Variants in IRAG2 observed in about 807,000 individuals in gnomAD.
IRAG2 encodes inositol 1,4,5-triphosphate receptor associated 2, also known as lymphoid restricted membrane protein.
In IRAG2, 45 loss-of-function variants were observed where a neutral mutation model predicts 69.9. The observed-to-expected ratio is 0.64, with a 90% confidence interval of 0.51 to 0.83. IRAG2 has a LOEUF of 0.83. IRAG2 is among the 40% of genes least tolerant of loss of function. IRAG2 has a pLI of 0.00. For missense variants in IRAG2, 520 were observed against 587.0 expected (o/e 0.89, Z 1.18); for synonymous variants, 193 against 202.4 (o/e 0.95, Z 0.40).
In IRAG2 at chr12:25,083,480, C is replaced by A. The variant is rs1036993606; in HGVS notation, c.302C>A (p.Thr101Asn). Residue 101 changes from threonine to asparagine, a missense_variant, in exon 10 of 22, where the codon ACC (threonine) becomes AAC (asparagine). By Grantham distance (65) the Thr-to-Asn change is moderately conservative. Coordinates refer to ENST00000556887, the MANE Select transcript of IRAG2 (RefSeq NM_001366544.2). Reference protein sequence around the residue: ...AFQDSTSKDKTILNLEAKEEP... With the variant: ...AFQDSTSKDKNILNLEAKEEP... ...CAAGACTCTACGAGTAAGGATAAAA[C>A]CATATTAAATCTGGTAAGGAAATAC... 3 of 1,604,004 alleles carry A rather than the reference C, an allele frequency of 1.9e-6. No homozygotes were observed. Among genetic ancestry groups the A allele is most frequent in the Non-Finnish European group, 2.6e-6 (3 of 1,171,048 alleles).
chr12:25,011,855 A>G (rs67372216), intron 3 of IRAG2, among the ~76,000 whole-genome samples: 19,185 of 152,180 alleles, frequency 0.13, 1,456 homozygotes, highest in African/African-American at 0.21. Flanking sequence ...TGGGGAGCAC[A>G]TGTGATACTC....
At chr12:25,004,844 C>A in exon 1 of IRAG2, 8 of 1,232,008 alleles carry the variant, frequency 6.5e-6, no homozygotes, top group Non-Finnish European at 8.1e-6. Flanking sequence ...TTTGATTCCA[C>A]CTTTGTTCAA....
At chr12:25,031,138 A>G (rs1020457941) in intron 10 of IRAG2, 49 of 908,872 alleles carry the variant, frequency 5.4e-5, no homozygotes, top group Middle Eastern at 5.5e-4. Context: ...CCTCTTTTCC[A>G]TGCACATTTT....
intron 19 of IRAG2, 88 bp downstream of exon 19, chr12:25,104,146 G>A: frequency 9.0e-7 from 1 of 1,110,526 alleles, no homozygotes; most frequent in Middle Eastern, 2.7e-4. Context: ...AAGTGATATA[G>A]TAATGTTTGA....
chr12:25,001,515 A>G (rs577244733), upstream of IRAG2, among the ~76,000 whole-genome samples: 171 of 152,248 alleles, frequency 1.1e-3, 2 homozygotes, highest in African/African-American at 3.8e-3. Flanking sequence ...AAGTAGAAAC[A>G]TGTGCCTTAT....
In IRAG2 at chr12:25,037,990, TG is replaced by T; in HGVS notation, c.1999del (p.Glu667LysfsTer4). On this transcript the variant is annotated frameshift_variant, in exon 16 of 39. Coordinates refer to the IRAG2 transcript ENST00000636465. LOFTEE classifies it high-confidence loss of function. The stretch of plus-strand genomic sequence containing the variant: ...TTCTTGTAGGAATTCAACAATATCA[TG>T]GAAGAGAAGCTAGATCTTTGCATAT... The T allele has an allele frequency of 2.5e-6, 1 of 398,854 alleles. No homozygotes were observed. Among genetic ancestry groups the T allele is most frequent in the Non-Finnish European group, 4.4e-6 (1 of 225,976 alleles). 24.7% of individuals were successfully genotyped at this position (398,854 alleles called of 1,614,324 possible).
intron 2 of IRAG2, among the ~76,000 whole-genome samples, chr12:25,007,819 G>A (rs1449839844): frequency 6.6e-6 from 1 of 152,190 alleles, no homozygotes; most frequent in South Asian, 2.1e-4. Flanking sequence ...ACTGCACCCA[G>A]CCCATTCTTT....
At chr12:25,066,131 T>C (rs1389487100) in intron 4 of IRAG2, among the ~76,000 whole-genome samples, 1 of 151,772 alleles carries the variant, frequency 6.6e-6, no homozygotes, top group Non-Finnish European at 1.5e-5. Context: ...TTATTAGAAC[T>C]AAAATTATTT....
At position 25,081,128 on chromosome 12, in the gene IRAG2, G is replaced by A. The variant is rs558184947; in HGVS notation, c.244+1365G>A. On this transcript the variant is annotated intron_variant, in intron 9 of 21. Coordinates refer to ENST00000556887, the MANE Select transcript of IRAG2 (RefSeq NM_001366544.2). Reference sequence around the variant, plus strand: ...AATAGAACAATTTTGACAACATATTGTAATAAAACTTATGTGAATGTGGTC... The same window carrying A: ...AATAGAACAATTTTGACAACATATTATAATAAAACTTATGTGAATGTGGTC... Among the ~76,000 whole-genome samples the A allele has an allele frequency of 2.6e-3, 392 of 150,990 alleles. 1 individual carries two copies. The highest frequency in any genetic ancestry group is 9.0e-3 in the African/African-American group (368 of 41,018).
chr12:25,079,476 G>A lies in IRAG2; in HGVS notation c.136+14G>A, dbSNP rs1269317250. On this transcript the variant is annotated intron_variant, in intron 8 of 21. Transcript: ENST00000556887. ...TAACTTCAAGTGGTAAGTGGATTTG[G>A]AAATAATATTAAAATAGACTGTTAG... is the stretch of plus-strand genomic sequence containing the variant. The A allele has an allele frequency of 1.2e-6, 2 of 1,602,982 alleles. No homozygotes were observed. Among genetic ancestry groups the A allele is most frequent in the South Asian group, 2.2e-5 (2 of 90,872 alleles).
upstream of IRAG2, chr12:25,004,259 A>T: frequency 2.0e-6 from 2 of 981,156 alleles, no homozygotes. Context: ...AATTATTGTT[A>T]GGAAAATACT....
intron 15 of IRAG2, chr12:25,097,511 G>T (rs1419541597): frequency 6.6e-6 from 1 of 152,332 alleles, no homozygotes; most frequent in South Asian, 2.1e-4. Flanking sequence ...CAATGCTCCA[G>T]TAAATATCCT....
chr12:25,074,411 T>C (rs1946536131), intron 6 of IRAG2, among the ~76,000 whole-genome samples: 1 of 152,222 alleles, frequency 6.6e-6, no homozygotes, highest in Non-Finnish European at 1.5e-5. Context: ...TCTTCAGGCC[T>C]CACCGACTAG....
At chr12:25,031,004 A>C in intron 10 of IRAG2, 3 of 982,990 alleles carry the variant, frequency 3.1e-6, no homozygotes, top group Non-Finnish European at 3.6e-6. Flanking sequence ...ATTGTAGCCA[A>C]GGATACCGGC....
At chr12:25,010,051 T>C (rs1160683637) in intron 2 of IRAG2, among the ~76,000 whole-genome samples, 1 of 152,210 alleles carries the variant, frequency 6.6e-6, no homozygotes, top group Non-Finnish European at 1.5e-5. Context: ...CATTGATACA[T>C]GAAATTAACC....
chr12:25,073,593 C>G (rs1473659095), intron 6 of IRAG2, among the ~76,000 whole-genome samples: 1 of 152,172 alleles, frequency 6.6e-6, no homozygotes, highest in South Asian at 2.1e-4. Context: ...ATAAGCAGGT[C>G]TTTGGGAGAG....
Position 25,083,424 on chromosome 12 carries a change from C to T in IRAG2, c.246C>T (p.Gly82=). Residue 82 remains glycine (G), a splice_region_variant and synonymous_variant, in exon 10 of 22, where the codon GGC becomes GGT. Coordinates refer to ENST00000556887, the MANE Select transcript of IRAG2 (RefSeq NM_001366544.2). ...TTGTGTGTTTCCTGTTTCTCACAGG[C>T]ACAAGTCCAGCTCATGATAATATTG... ...RSASPTIEAQ[G]TSPAHDNIAF... 6.2e-7 allele frequency: 1 copy of T among 1,608,198 alleles called. No homozygotes were observed.
At chr12:25,055,407 T>C (rs1446298959) in intron 1 of IRAG2, among the ~76,000 whole-genome samples, 1 of 152,252 alleles carries the variant, frequency 6.6e-6, no homozygotes, top group Non-Finnish European at 1.5e-5. Context: ...TATATCCAAG[T>C]ATCTTGTTAA....
At chr12:25,046,383 A>G (rs1413351468) in intron 16 of IRAG2, among the ~76,000 whole-genome samples, 2 of 152,098 alleles carry the variant, frequency 1.3e-5, no homozygotes, top group African/African-American at 2.4e-5. Context: ...AATAAAAGGC[A>G]TATAAATATA....
Sources: allele counts gnomAD v4.1 joint callset (sites outside exome capture counted in the v4.1 genomes callset), GRCh38; gene constraint gnomAD v4.1.1; transcripts MANE v1.5; gene names NCBI Gene and HGNC (gene_info 2026-07-23, HGNC 2026-07-21).